Variants in NUP210 observed in about 807,000 individuals in gnomAD.
The protein encoded by NUP210 is nucleoporin 210.
Under a neutral mutation model 196.0 loss-of-function variants are expected in NUP210, and 151 were observed. The ratio of observed to expected loss-of-function variants is 0.77; its 90% CI spans 0.67 to 0.88. The LOEUF (loss-of-function observed/expected upper bound fraction) is 0.88. Among genes scored for constraint, NUP210 ranks in the 40% least tolerant of loss-of-function variants. NUP210 has a pLI of 0.00. For synonymous variants in NUP210, 1,070 were observed against 1,052.7 expected (o/e 1.02, Z -0.32); for missense variants, 2,314 against 2,493.7 (o/e 0.93, Z 1.53).
intron 16 of NUP210, among the ~76,000 whole-genome samples, chr3:13,355,416 C>A (rs1485780517): frequency 6.6e-6 from 1 of 152,216 alleles, no homozygotes; most frequent in Non-Finnish European, 1.5e-5. Flanking sequence ...TGCTCCACAG[C>A]CCATGTCTTG....
At chr3:13,349,198 T>C (rs1252663143) in intron 20 of NUP210, among the ~76,000 whole-genome samples, 1 of 152,066 alleles carries the variant, frequency 6.6e-6, no homozygotes, top group Admixed American at 6.5e-5. Flanking sequence ...AAGATGCCCA[T>C]CCTCCCTGAC....
chr3:13,418,095 A>G (rs1363353444), intron 1 of NUP210, among the ~76,000 whole-genome samples: 1 of 152,232 alleles, frequency 6.6e-6, no homozygotes, highest in Non-Finnish European at 1.5e-5. Flanking sequence ...GAGAATGAGC[A>G]TGTATCCCCG....
In NUP210 at chr3:13,350,729, C is replaced by T. The variant is rs373316117; in HGVS notation, c.2835+1150G>A. ...TTTTTTTTGAGATGGAGTCTCGCCC[C>T]GTCGCCCAGGCTGGAGTGCAGTGGC... On this transcript the variant is annotated intron_variant, in intron 20 of 39. Coordinates refer to ENST00000254508, the MANE Select transcript of NUP210 (RefSeq NM_024923.4). The surrounding 1 kb of genome is among the most constrained non-coding windows in gnomAD (Gnocchi z 4.1). Among the ~76,000 whole-genome samples the T allele has an allele frequency of 1.6e-4, 24 of 149,708 alleles. No homozygotes were observed. Among genetic ancestry groups the T allele is most frequent in the African/African-American group, 3.9e-4 (16 of 40,666 alleles).
intron 27 of NUP210, 98 bp from the exon 28 acceptor site, chr3:13,335,710 CA>C: frequency 7.4e-7 from 1 of 1,356,194 alleles, no homozygotes; most frequent in Non-Finnish European, 1.0e-6. Flanking sequence ...CCCAGCCCCC[CA>C]GTCCTGGTAG....
chr3:13,319,902 C>A lies in NUP210; in HGVS notation c.5244G>T (p.Thr1748=). Residue 1748 remains threonine (T), a synonymous_variant, in exon 37 of 40, where the codon ACG becomes ACT. Coordinates refer to ENST00000254508, the MANE Select transcript of NUP210 (RefSeq NM_024923.4). ...CAGCCGCGGGGTCCAAGACGCCGACCGTGTATGTGATGAAGCTGGGCCACC... is the reference window on the plus strand; with the variant it reads ...CAGCCGCGGGGTCCAAGACGCCGACAGTGTATGTGATGAAGCTGGGCCACC... The part of the protein sequence containing the change: ...SFGWPSFITY[T]VGVLDPAAGS... 1 of 1,614,162 alleles carries A rather than the reference C, an allele frequency of 6.2e-7. No individual in the cohort carries two copies.
intron 26 of NUP210, among the ~76,000 whole-genome samples, chr3:13,337,426 C>T (rs1409149687): frequency 6.6e-6 from 1 of 152,248 alleles, no homozygotes; most frequent in Non-Finnish European, 1.5e-5. Context: ...GCTGCCACTT[C>T]CTAGCTGTGT....
intron 13 of NUP210, among the ~76,000 whole-genome samples, chr3:13,368,715 C>G (rs1205890266): frequency 6.6e-6 from 1 of 152,196 alleles, no homozygotes; most frequent in African/African-American, 2.4e-5. Context: ...CTTCACTGAG[C>G]ATGATGTCTT....
At chr3:13,367,717 T>C (rs745419342) in intron 13 of NUP210, among the ~76,000 whole-genome samples, 17 of 152,214 alleles carry the variant, frequency 1.1e-4, no homozygotes, top group Non-Finnish European at 2.4e-4. Flanking sequence ...GCAGTGTTCA[T>C]GGGATTTCTC....
chr3:13,385,504 T>G (rs1434354383), intron 6 of NUP210, among the ~76,000 whole-genome samples: 1 of 152,238 alleles, frequency 6.6e-6, no homozygotes, highest in African/African-American at 2.4e-5. Flanking sequence ...TACACTCCTA[T>G]TGATTCATTT....
In NUP210 at chr3:13,386,329, C is replaced by T. The variant is rs200995196; in HGVS notation, c.763G>A (p.Val255Met). 1.0e-4 allele frequency: 164 copies of T among 1,614,182 alleles called. No individual in the cohort carries two copies. Among genetic ancestry groups the T allele is most frequent in the Middle Eastern group, 1.6e-4 (1 of 6,062 alleles). The stretch of plus-strand genomic sequence containing the variant: ...ACCTTGTAGTGAATGGAGGTTCCCA[C>T]CATCAGGTAGACGTCATAGGCCGGG... ...LNPAYDVYLM[V>M]GTSIHYKVQK... Residue 255 changes from valine (V) to methionine (M), a missense_variant, in exon 6 of 40, where the codon GTG becomes ATG. By Grantham distance (21) the Val-to-Met change is conservative. Transcript: ENST00000254508.
intron 1 of NUP210, among the ~76,000 whole-genome samples, chr3:13,404,886 G>A (rs570027399): frequency 6.6e-6 from 1 of 152,290 alleles, no homozygotes; most frequent in South Asian, 2.1e-4. Context: ...CTACATGGAG[G>A]GAGGGTGGGT....
intron 28 of NUP210, among the ~76,000 whole-genome samples, chr3:13,334,101 C>T (rs1434506244): frequency 3.3e-5 from 5 of 152,188 alleles, no homozygotes; most frequent in Non-Finnish European, 7.3e-5. Context: ...CCTATCTTTA[C>T]ATGACAACAA....
At chr3:13,410,019 ATTTTTTT>A in intron 1 of NUP210, among the ~76,000 whole-genome samples, 1 of 138,072 alleles carries the variant, frequency 7.2e-6, no homozygotes. Context: ...CACCCAGCTA[ATTTTTTT>A]TTTTTTTTTT....
intron 39 of NUP210, among the ~76,000 whole-genome samples, 181 bp from the exon 40 acceptor site, chr3:13,317,962 CAG>C (rs1277972378): frequency 6.6e-6 from 1 of 152,144 alleles, no homozygotes; most frequent in African/African-American, 2.4e-5. Flanking sequence ...CTCATTCACA[CAG>C]AGAGGCCTGG....
intron 34 of NUP210, among the ~76,000 whole-genome samples, 160 bp from the exon 35 acceptor site, chr3:13,322,499 GA>G (rs1696581289): frequency 1.3e-5 from 2 of 152,382 alleles, no homozygotes; most frequent in South Asian, 4.1e-4. Flanking sequence ...ATGCAGCCAG[GA>G]TTGGTAAAGC....
intron 3 of NUP210, among the ~76,000 whole-genome samples, chr3:13,395,145 G>A (rs1699610399): frequency 6.6e-6 from 1 of 152,078 alleles, no homozygotes; most frequent in Non-Finnish European, 1.5e-5. Context: ...AGGGCTGCTG[G>A]GCACCATCCT....
At chr3:13,412,557 C>G (rs1700212988) in intron 1 of NUP210, among the ~76,000 whole-genome samples, 2 of 151,678 alleles carry the variant, frequency 1.3e-5, no homozygotes, top group African/African-American at 4.8e-5. Flanking sequence ...CTACTAAAAA[C>G]ACAAAAATTA....
chr3:13,411,828 C>A (rs1028148685), intron 1 of NUP210, among the ~76,000 whole-genome samples: 1 of 152,240 alleles, frequency 6.6e-6, no homozygotes, highest in African/African-American at 2.4e-5. Flanking sequence ...GCCACCTCCG[C>A]CTCCCGGGTT....
Position 13,391,210 on chromosome 3 carries a change from C to T in NUP210, c.533+1G>A. The T allele has an allele frequency of 6.2e-7, 1 of 1,609,216 alleles. No homozygotes were observed. Among genetic ancestry groups the T allele is most frequent in the South Asian group, 1.1e-5 (1 of 90,174 alleles). On this transcript the variant is annotated splice_donor_variant, in intron 4 of 39. Transcript: ENST00000254508. LOFTEE classifies it high-confidence loss of function. ...CCAGGCCTAGCAGAGGCACCCCTTACCGCAGCGCATTGTGGGAGTCTGAGA... is the reference window on the plus strand; with the variant it reads ...CCAGGCCTAGCAGAGGCACCCCTTATCGCAGCGCATTGTGGGAGTCTGAGA...
Sources: allele counts gnomAD v4.1 joint callset (sites outside exome capture counted in the v4.1 genomes callset), GRCh38; gene constraint gnomAD v4.1.1; non-coding constraint Gnocchi (gnomAD v3.1); transcripts MANE v1.5; gene names NCBI Gene and HGNC (gene_info 2026-07-23, HGNC 2026-07-21).